RGS12: variants seen among roughly 807,000 people sequenced by gnomAD.
RGS12 encodes the protein regulator of G protein signaling 12, also known as regulator of G-protein signaling 12.
A neutral mutation model predicts 120.1 loss-of-function variants in RGS12; 66 were observed. The observed-to-expected ratio is 0.55, with a 90% confidence interval of 0.45 to 0.67. The LOEUF is 0.67. Among genes scored for constraint, RGS12 ranks in the 30% least tolerant of loss-of-function variants. RGS12 has a pLI of 0.00. For synonymous variants in RGS12, 827 were observed against 804.7 expected, an observed-to-expected ratio of 1.03 and a Z score of -0.47; for missense variants, 1,859 against 1,957.7, an observed-to-expected ratio of 0.95 and a Z score of 0.95.
intron 2 of RGS12, among the ~76,000 whole-genome samples, chr4:3,325,272 G>T (rs1216319973): frequency 6.6e-6 from 1 of 152,108 alleles, no homozygotes; most frequent in East Asian, 1.9e-4. Flanking sequence ...TAGTAAATTT[G>T]GTTACTTTTA....
intron 3 of RGS12, among the ~76,000 whole-genome samples, chr4:3,375,299 GCCCTCATCTCCAGC>G (rs1717532875): frequency 1.8e-5 from 2 of 109,516 alleles, no homozygotes; most frequent in Non-Finnish European, 3.8e-5. Flanking sequence ...CTCATCTCCA[GCCCTCATCTCCAGC>G]CCTCATCTCC....
chr4:3,342,378 T>C lies in RGS12; in HGVS notation c.1882-559T>C, dbSNP rs116721178. 4,211 of 1,223,564 alleles carry C rather than the reference T, an allele frequency of 3.4e-3. 124 individuals carry two copies. In the African/African-American group the frequency reaches 0.058, roughly 17 times the overall value. The allele number at this position is 1,223,564 out of a possible 1,614,324, so 75.8% of individuals were successfully genotyped here. ...TGTCGAATTGAATTAATTCTGGTCA[T>C]TTCCTGGAGGAGGAGAGACAGGATG... On this transcript the variant is annotated intron_variant, in intron 2 of 17. Transcript: ENST00000336727.
chr4:3,357,011 C>T (rs1714960594), intron 3 of RGS12, among the ~76,000 whole-genome samples: 1 of 152,304 alleles, frequency 6.6e-6, no homozygotes. Flanking sequence ...TTCCTAATGA[C>T]AGTGCACAAG....
rs942192206 is a variant in RGS12 at position 3,389,802 on chromosome 4, A to G, written c.2020+3365A>G. Among the ~76,000 whole-genome samples, 6 of 152,126 alleles carry G rather than the reference A, an allele frequency of 3.9e-5. No homozygotes were observed. Among genetic ancestry groups the G allele is most frequent in the African/African-American group, 1.4e-4 (6 of 41,414 alleles). ...CTTTGGGGGACGGTGGCAGGTCCAC[A>G]TGACACCCCACATACATGACCCCGG... On this transcript the variant is annotated intron_variant, in intron 4 of 17. Transcript: ENST00000336727. This position sits in a 1 kb window ranked among gnomAD's most constrained non-coding sequence, Gnocchi z 5.2.
chr4:3,409,033 T>C (rs962830137), intron 4 of RGS12, among the ~76,000 whole-genome samples: 3 of 152,120 alleles, frequency 2.0e-5, no homozygotes, highest in Non-Finnish European at 2.9e-5. Flanking sequence ...TTGGAAATGG[T>C]TTATTTGCAG....
chr4:3,385,835 C>T (rs1319654900), intron 3 of RGS12: 2 of 155,860 alleles, frequency 1.3e-5, no homozygotes, highest in South Asian at 2.0e-4. Flanking sequence ...GCACCAGATC[C>T]GGGGCTTGGC....
Position 3,438,489 on chromosome 4 carries a change from C to T in RGS12, c.4115-966C>T, listed in dbSNP as rs374443230. On this transcript the variant is annotated intron_variant, in intron 17 of 17. Transcript: ENST00000336727. ...GCACGGGGGCTTCACTGCCCCTTCC[C>T]AGGCCCTGGGGTCCTGCCATGGAGC... is the stretch of plus-strand genomic sequence containing the variant. 1.1e-4 allele frequency among the ~76,000 whole-genome samples: 16 copies of T among 152,286 alleles called. No individual in the cohort carries two copies. In the East Asian group the frequency reaches 2.7e-3, roughly 26 times the overall value.
rs752551264 is a variant in RGS12, at chr4:3,362,829, TTGAG to T, written c.1998+19779_1998+19782del. Reference sequence around the variant, plus strand: ...TGAGAGTGAGGGTGTGTCAGTGTGTTTGAGTGTGAGACTGAGTGTGAGGGTGTGT... The same window carrying T: ...TGAGAGTGAGGGTGTGTCAGTGTGTTTGTGAGACTGAGTGTGAGGGTGTGT... On this transcript the variant is annotated intron_variant, in intron 3 of 17. Transcript: ENST00000336727. Among the ~76,000 whole-genome samples, 10 of 128,880 alleles carry T rather than the reference TTGAG, an allele frequency of 7.8e-5. No homozygotes were observed. In the East Asian group the frequency reaches 1.2e-3, roughly 16 times the overall value. The allele number at this position is 128,880 out of a possible 152,430, so 84.6% of individuals were successfully genotyped here.
chr4:3,357,147 T>G (rs1714971356), intron 3 of RGS12, among the ~76,000 whole-genome samples: 1 of 152,230 alleles, frequency 6.6e-6, no homozygotes, highest in Non-Finnish European at 1.5e-5. Context: ...TGAGCATCTT[T>G]TCATGTGCTT....
chr4:3,321,045 A>C (rs1282360464), intron 2 of RGS12, among the ~76,000 whole-genome samples: 1 of 152,192 alleles, frequency 6.6e-6, no homozygotes, highest in Non-Finnish European at 1.5e-5. Context: ...CGGGGACTTC[A>C]GGGCTTTACT....
At chr4:3,297,072 T>A (rs1283008085) in intron 1 of RGS12, among the ~76,000 whole-genome samples, 3 of 152,252 alleles carry the variant, frequency 2.0e-5, no homozygotes, top group Non-Finnish European at 2.9e-5. Flanking sequence ...CTTCTGTGTC[T>A]TTTAAGGTCT....
At chr4:3,302,367 C>A (rs1279931016) in intron 1 of RGS12, among the ~76,000 whole-genome samples, 3 of 114,200 alleles carry the variant, frequency 2.6e-5, no homozygotes, top group Non-Finnish European at 5.0e-5. Flanking sequence ...GGGCCCTGGC[C>A]GTTGTGGTCT....
In RGS12 at chr4:3,374,256, G is replaced by A. The variant is rs1256340540; in HGVS notation, c.1999-12160G>A. ...CTGCCGAGCTCCGAGTGCTGGGCCA[G>A]CTTGCCTTGGGCTTCTGCAGCAGCG... is the stretch of plus-strand genomic sequence containing the variant. On this transcript the variant is annotated intron_variant, in intron 3 of 17. Transcript: ENST00000336727. This position sits in a 1 kb window ranked among gnomAD's most constrained non-coding sequence, Gnocchi z 6.3. Among the ~76,000 whole-genome samples the A allele has an allele frequency of 1.3e-5, 2 of 152,262 alleles. No individual in the cohort carries two copies. The highest frequency in any genetic ancestry group is 3.8e-4 in the East Asian group (2 of 5,200).
intron 1 of RGS12, among the ~76,000 whole-genome samples, chr4:3,296,799 T>C (rs1046272207): frequency 2.6e-5 from 4 of 152,176 alleles, no homozygotes; most frequent in Admixed American, 1.3e-4. Context: ...GGAGCCATCC[T>C]GGAAACAGGT....
upstream of RGS12, among the ~76,000 whole-genome samples, chr4:3,291,896 A>G (rs962977763): frequency 6.6e-6 from 1 of 152,106 alleles, no homozygotes. Flanking sequence ...CTCTTAATTA[A>G]TTGTCCCACT....
chr4:3,362,691 G>GGC (rs1715769801), intron 3 of RGS12, among the ~76,000 whole-genome samples: 1 of 146,700 alleles, frequency 6.8e-6, no homozygotes, highest in Non-Finnish European at 1.5e-5. Flanking sequence ...GAGGGTGTGT[G>GGC]TGAGGGTGTG....
Position 3,317,109 on chromosome 4 carries a change from G to T in RGS12, c.939G>T (p.Gly313=). 1 of 1,613,858 alleles carries T rather than the reference G, an allele frequency of 6.2e-7. No individual in the cohort carries two copies. Among genetic ancestry groups the T allele is most frequent in the African/African-American group, 1.3e-5 (1 of 75,078 alleles). The part of the protein sequence containing the change: ...AVCPDDRRFF[G]LVTMQTNDDG... Reference sequence around the variant, plus strand: ...GCCCGGACGACCGGCGATTTTTCGGGTTGGTTACCATGCAGACGAATGACG... The same window carrying T: ...GCCCGGACGACCGGCGATTTTTCGGTTTGGTTACCATGCAGACGAATGACG... Residue 313 remains glycine (G), a synonymous_variant, in exon 2 of 18, where the codon GGG becomes GGT. Coordinates refer to ENST00000336727, the MANE Select transcript of RGS12 (RefSeq NM_001394154.1).
intron 2 of RGS12, 51 bp downstream of exon 2, chr4:3,318,102 C>A: frequency 2.7e-6 from 4 of 1,503,148 alleles, no homozygotes; most frequent in African/African-American, 1.4e-5. Context: ...CCTCACTTAG[C>A]AGTCACGGGG....
At chr4:3,386,552 T>A in intron 4 of RGS12, 115 bp downstream of exon 4, 3 of 908,310 alleles carry the variant, frequency 3.3e-6, no homozygotes, top group Non-Finnish European at 5.2e-6. Context: ...CCTTTCCCTG[T>A]CTCCTTGTGG....
Sources: allele counts gnomAD v4.1 joint callset (sites outside exome capture counted in the v4.1 genomes callset), GRCh38; gene constraint gnomAD v4.1.1; non-coding constraint Gnocchi (gnomAD v3.1); transcripts MANE v1.5; gene names NCBI Gene and HGNC (gene_info 2026-07-23, HGNC 2026-07-21).